RMST: variants seen among roughly 807,000 people sequenced by gnomAD.
RMST encodes the protein long intergenic non-protein coding RNA 54.
At chr12:97,499,436 C>T (rs1593186603) in intron 10 of RMST, among the ~76,000 whole-genome samples, 1 of 152,100 alleles carries the variant, frequency 6.6e-6, no homozygotes, top group African/African-American at 2.4e-5. Flanking sequence ...GGGATTTGAA[C>T]GATTGGGTTC....
chr12:97,498,004 C>T (rs557667728), intron 10 of RMST, among the ~76,000 whole-genome samples: 1 of 152,176 alleles, frequency 6.6e-6, no homozygotes, highest in East Asian at 1.9e-4. Context: ...CCTGCTCACA[C>T]ATATTTACTG....
intron 11 of RMST, among the ~76,000 whole-genome samples, chr12:97,542,328 T>C (rs1882604684): frequency 6.6e-6 from 1 of 151,844 alleles, no homozygotes; most frequent in South Asian, 2.1e-4. Flanking sequence ...TACAAGTAGT[T>C]GGGGAGTGAA....
At chr12:97,560,736 G>A (rs1884054113) in intron 12 of RMST, 1 of 152,144 alleles carries the variant, frequency 6.6e-6, no homozygotes, top group Non-Finnish European at 1.5e-5. Context: ...GCATGTTTCA[G>A]TATACAAATA....
chr12:97,546,704 A>T (rs561119440), intron 11 of RMST, among the ~76,000 whole-genome samples: 1 of 152,226 alleles, frequency 6.6e-6, no homozygotes, highest in South Asian at 2.1e-4. Flanking sequence ...GTATATATTT[A>T]TCATGTACAA....
At chr12:97,471,129 A>T (rs1002734969) in intron 5 of RMST, among the ~76,000 whole-genome samples, 3 of 152,138 alleles carry the variant, frequency 2.0e-5, no homozygotes, top group Admixed American at 6.6e-5. Flanking sequence ...GTGGATATTT[A>T]AAAAAATCAA....
At chr12:97,540,182 T>C (rs997333547) in intron 11 of RMST, among the ~76,000 whole-genome samples, 5 of 151,738 alleles carry the variant, frequency 3.3e-5, no homozygotes, top group Middle Eastern at 3.4e-3. Context: ...GCTTTACCAC[T>C]GAGTAGTGTT....
intron 11 of RMST, chr12:97,541,101 A>G (rs964622114): frequency 8.6e-5 from 13 of 151,650 alleles, no homozygotes; most frequent in Non-Finnish European, 1.2e-4. Flanking sequence ...AGTATATAGT[A>G]CATACACTTC....
intron 10 of RMST, among the ~76,000 whole-genome samples, chr12:97,499,306 T>G (rs1026690658): frequency 6.6e-6 from 1 of 152,208 alleles, no homozygotes; most frequent in Non-Finnish European, 1.5e-5. Flanking sequence ...TGTATTTCTT[T>G]CAGAGATCTG....
chr12:97,531,761 G>A (rs528496439), intron 11 of RMST, among the ~76,000 whole-genome samples: 1 of 151,960 alleles, frequency 6.6e-6, no homozygotes, highest in South Asian at 2.1e-4. Context: ...GGTTATCTGG[G>A]CCACTATATC....
chr12:97,475,587 GT>G (rs58995040), intron 5 of RMST, among the ~76,000 whole-genome samples: 46 of 140,970 alleles, frequency 3.3e-4, no homozygotes, highest in Middle Eastern at 3.8e-3. Flanking sequence ...CTTTTTTTTT[GT>G]TTTTTTTTTT....
chr12:97,549,289 A>T (rs974088518), intron 11 of RMST, among the ~76,000 whole-genome samples: 2 of 152,228 alleles, frequency 1.3e-5, no homozygotes, highest in African/African-American at 4.8e-5. Context: ...TTGTATAAAT[A>T]TGTATTCACT....
intron 5 of RMST, among the ~76,000 whole-genome samples, chr12:97,485,692 A>T (rs1454310763): frequency 6.6e-6 from 1 of 152,242 alleles, no homozygotes; most frequent in African/African-American, 2.4e-5. Flanking sequence ...AGCCTCAGGA[A>T]GCATAAACGG....
intron 10 of RMST, among the ~76,000 whole-genome samples, chr12:97,502,656 G>C (rs193144391): frequency 6.6e-6 from 1 of 151,950 alleles, no homozygotes; most frequent in Non-Finnish European, 1.5e-5. Flanking sequence ...ATAGAGATGA[G>C]GTCTCACTAA....
At chr12:97,503,107 G>A (rs11109067) in intron 10 of RMST, among the ~76,000 whole-genome samples, 2,216 of 152,246 alleles carry the variant, frequency 0.015, 48 homozygotes, top group East Asian at 0.079. Context: ...TCCACTGCCT[G>A]TCTTTACCAT....
At chr12:97,480,280 C>T (rs1430290538) in intron 5 of RMST, among the ~76,000 whole-genome samples, 6 of 151,920 alleles carry the variant, frequency 3.9e-5, no homozygotes, top group East Asian at 2.0e-4. Flanking sequence ...TTAGTAGAGA[C>T]GGGGTTTCAC....
chr12:97,542,399 C>T (rs1321250886), intron 11 of RMST, among the ~76,000 whole-genome samples: 1 of 151,800 alleles, frequency 6.6e-6, no homozygotes, highest in East Asian at 1.9e-4. Context: ...TGTAATCTCA[C>T]TTGGCCTGGA....
chr12:97,514,350 G>T (rs1879716352), intron 10 of RMST, among the ~76,000 whole-genome samples: 2 of 152,164 alleles, frequency 1.3e-5, no homozygotes, highest in South Asian at 4.1e-4. Flanking sequence ...TATAGGAAAT[G>T]ACAATGAAGC....
chr12:97,554,845 G>T (rs1883584387), intron 11 of RMST, among the ~76,000 whole-genome samples: 1 of 152,122 alleles, frequency 6.6e-6, no homozygotes, highest in Admixed American at 6.6e-5. Flanking sequence ...CAGAATGAAG[G>T]CTTTCCATAA....
intron 11 of RMST, chr12:97,532,652 T>TG (rs1266511985): frequency 2.7e-5 from 4 of 149,332 alleles, no homozygotes; most frequent in Admixed American, 6.7e-5. Context: ...CCCGTTTTTT[T>TG]TTTTTTTTTT....
Sources: allele counts gnomAD v4.1 joint callset (sites outside exome capture counted in the v4.1 genomes callset), GRCh38; gene constraint gnomAD v4.1.1; transcripts MANE v1.5; gene names NCBI Gene and HGNC (gene_info 2026-07-23, HGNC 2026-07-21).